CD109: variants seen among roughly 807,000 people sequenced by gnomAD.
The protein encoded by CD109 is CD109 molecule.
Under a neutral mutation model 165.8 loss-of-function variants are expected in CD109, and 149 were observed. The ratio of observed to expected loss-of-function variants is 0.90; its 90% CI spans 0.79 to 1.03. The LOEUF (loss-of-function observed/expected upper bound fraction) is 1.03, where lower values mean the gene tolerates loss of function less well. CD109 is among the 50% of genes least tolerant of loss of function. The pLI is 0.00. For missense variants in CD109, 1,712 were observed against 1,677.8 expected (o/e 1.02, Z -0.36); for synonymous variants, 585 against 592.1 (o/e 0.99, Z 0.18).
At position 73,823,443 on chromosome 6, in the gene CD109, T is replaced by C; in HGVS notation, c.4163-15T>C. The C allele has an allele frequency of 6.3e-7, 1 of 1,593,462 alleles. No homozygotes were observed. The highest frequency in any genetic ancestry group is 8.6e-7 in the Non-Finnish European group (1 of 1,164,972). On this transcript the variant is annotated splice_polypyrimidine_tract_variant and intron_variant, in intron 32 of 32. Coordinates refer to ENST00000287097, the MANE Select transcript of CD109 (RefSeq NM_133493.5). The stretch of plus-strand genomic sequence containing the variant: ...CAAGGGAGCCGTGTGAACTGATGTC[T>C]GCTTCTTTGAACAGGGAGACAGGCG...
At chr6:73,814,147 T>G (rs570647717) in intron 29 of CD109, among the ~76,000 whole-genome samples, 2 of 152,140 alleles carry the variant, frequency 1.3e-5, no homozygotes, top group East Asian at 3.9e-4. Flanking sequence ...GTATTAGATG[T>G]TAGTTCTGAG....
At chr6:73,686,348 ATTAT>A in the CD109 span, among the ~76,000 whole-genome samples, 3 of 152,196 alleles carry the variant, frequency 2.0e-5, no homozygotes, top group East Asian at 3.9e-4. Context: ...AAGGAATTGG[ATTAT>A]TTGTTTGATA....
chr6:73,679,820 A>T, the CD109 span, among the ~76,000 whole-genome samples: 1 of 151,962 alleles, frequency 6.6e-6, no homozygotes, highest in African/African-American at 2.4e-5. Flanking sequence ...TTTTTAGTAG[A>T]GATGGGGTTT....
intron 10 of CD109, 70 bp downstream of exon 10, chr6:73,763,755 A>T: frequency 2.7e-6 from 2 of 746,632 alleles, no homozygotes; most frequent in Non-Finnish European, 4.2e-6. Flanking sequence ...GGGAAATAAT[A>T]TTTTCAATGC....
intron 23 of CD109, among the ~76,000 whole-genome samples, chr6:73,795,331 T>C: frequency 6.6e-6 from 1 of 151,784 alleles, no homozygotes; most frequent in Admixed American, 6.6e-5. Flanking sequence ...TTACATAGCT[T>C]GAAACATGTA....
chr6:73,797,112 A>G (rs1362157279), intron 23 of CD109, among the ~76,000 whole-genome samples: 1 of 152,220 alleles, frequency 6.6e-6, no homozygotes, highest in Admixed American at 6.5e-5. Flanking sequence ...TTTAAATGTC[A>G]TTTATGAACA....
the CD109 span, among the ~76,000 whole-genome samples, chr6:73,683,123 T>C: frequency 7.2e-5 from 11 of 152,350 alleles, no homozygotes; most frequent in Admixed American, 2.0e-4. Context: ...CTGGTTTGAA[T>C]TTCTCCTCAG....
At chr6:73,703,893 C>T (rs1369054980) in intron 2 of CD109, among the ~76,000 whole-genome samples, 1 of 152,052 alleles carries the variant, frequency 6.6e-6, no homozygotes, top group Non-Finnish European at 1.5e-5. Flanking sequence ...GGGTAAGAAT[C>T]AAGAATCTCA....
Position 73,746,721 on chromosome 6 carries a change from G to A in CD109, c.634-9922G>A, listed in dbSNP as rs555327817. Among the ~76,000 whole-genome samples, 280 of 152,156 alleles carry A rather than the reference G, an allele frequency of 1.8e-3. 1 individual carries two copies. The highest frequency in any genetic ancestry group is 6.4e-3 in the African/African-American group (267 of 41,512). On this transcript the variant is annotated intron_variant, in intron 5 of 32. Transcript: ENST00000287097. ...TCCCTGGATACCTGGCCACTATTCTGCTAACTGGAGGCTTGTATGGTCTAT... is the reference window on the plus strand; with the variant it reads ...TCCCTGGATACCTGGCCACTATTCTACTAACTGGAGGCTTGTATGGTCTAT...
intron 24 of CD109, 94 bp from the exon 25 acceptor site, chr6:73,806,750 A>T (rs908751868): frequency 3.7e-6 from 3 of 809,360 alleles, no homozygotes; most frequent in Admixed American, 2.7e-5. Context: ...GAATCTTCTG[A>T]TGGGGGAAAA....
intron 15 of CD109, among the ~76,000 whole-genome samples, chr6:73,775,748 A>G (rs747047129): frequency 2.6e-5 from 4 of 152,038 alleles, no homozygotes; most frequent in Non-Finnish European, 4.4e-5. Flanking sequence ...TTTAACTCCC[A>G]CTTATAAGTG....
At chr6:73,810,923 C>G in intron 27 of CD109, 69 bp from the exon 28 acceptor site, 1 of 1,449,464 alleles carries the variant, frequency 6.9e-7, no homozygotes, top group Non-Finnish European at 9.4e-7. Flanking sequence ...CAACAAAATA[C>G]TACTAAATTT....
chr6:73,720,240 T>G (rs1228078569), intron 2 of CD109, among the ~76,000 whole-genome samples: 5 of 152,160 alleles, frequency 3.3e-5, no homozygotes, highest in African/African-American at 1.2e-4. Flanking sequence ...GAGGACATTA[T>G]GTTAAGTGAA....
chr6:73,759,826 C>A (rs151054155), intron 7 of CD109, among the ~76,000 whole-genome samples: 96 of 151,766 alleles, frequency 6.3e-4, no homozygotes, highest in African/African-American at 2.1e-3. Flanking sequence ...ATTTGATGCT[C>A]AGGTTGCTAA....
At chr6:73,769,358 A>G (rs1773960990) in intron 14 of CD109, among the ~76,000 whole-genome samples, 1 of 152,202 alleles carries the variant, frequency 6.6e-6, no homozygotes, top group Non-Finnish European at 1.5e-5. Context: ...TTGCCTGACA[A>G]AGGTGAATTT....
rs565145710 is a variant in CD109, at chr6:73,792,556, G to A, written c.2702-70G>A. The A allele has an allele frequency of 1.0e-3, 1,349 of 1,352,572 alleles. 1 individual carries two copies. The highest frequency in any genetic ancestry group is 1.3e-3 in the Non-Finnish European group (1,212 of 956,348). The allele number at this position is 1,352,572 out of a possible 1,614,324, so 83.8% of individuals were successfully genotyped here. On this transcript the variant is annotated intron_variant, in intron 22 of 32. Transcript: ENST00000287097. ...CAGAGGTCTTCTGTACTCAGTGGAA[G>A]TCTCTTTGCCACCAGCAGGTCGTTG...
In CD109 at chr6:73,823,822, T is replaced by TGG; in HGVS notation, c.*190_*191dup. On this transcript the variant is annotated 3_prime_UTR_variant, in exon 33 of 33. Coordinates refer to ENST00000287097, the MANE Select transcript of CD109 (RefSeq NM_133493.5). ...TAGATTTCTTCACCTGATCTTTGTG[T>TGG]GGAAGATCAGAATGAATGCAGTTGT... 1 of 451,368 alleles carries TGG rather than the reference T, an allele frequency of 2.2e-6. No homozygotes were observed. Among genetic ancestry groups the TGG allele is most frequent in the African/African-American group, 1.9e-5 (1 of 51,618 alleles). 28.0% of individuals were successfully genotyped at this position (451,368 alleles called of 1,614,324 possible). A position where few individuals can be genotyped will look rare whatever the true frequency, so the allele number is the denominator to read the frequency against.
chr6:73,812,570 C>T (rs1775791222), intron 29 of CD109, among the ~76,000 whole-genome samples: 1 of 151,986 alleles, frequency 6.6e-6, no homozygotes, highest in African/African-American at 2.4e-5. Flanking sequence ...ACATGTTTTA[C>T]TTATAATTTC....
chr6:73,811,032 C>T lies in CD109; in HGVS notation c.3587C>T (p.Ala1196Val), dbSNP rs560734157. ...VALKALSEFA[A>V]LMNTERTNIQ... ...TTAAAGGCTCTGTCTGAATTTGCAG[C>T]CCTAATGAATACAGAAAGGACAAAT... The change falls in exon 28 of 33, where the codon GCC (alanine) becomes GTC (valine). Residue 1196 changes from alanine (A) to valine (V), a missense_variant. Ala to Val is a moderately conservative substitution (Grantham distance 64). Coordinates refer to ENST00000287097, the MANE Select transcript of CD109 (RefSeq NM_133493.5). 1.1e-5 allele frequency: 17 copies of T among 1,613,204 alleles called. No individual in the cohort carries two copies. In the South Asian group the frequency reaches 1.5e-4, roughly 15 times the overall value.
Sources: allele counts gnomAD v4.1 joint callset (sites outside exome capture counted in the v4.1 genomes callset), GRCh38; gene constraint gnomAD v4.1.1; transcripts MANE v1.5; gene names NCBI Gene and HGNC (gene_info 2026-07-23, HGNC 2026-07-21).